The following ZNF536 variants were observed in gnomAD, a reference collection of about 807,000 sequenced individuals.
ZNF536 encodes the protein zinc finger protein 536.
ZNF536 carries 13 observed loss-of-function variants against 84.5 expected under a neutral mutation model. The observed-to-expected ratio is 0.15, with a 90% CI of 0.10 to 0.24. The LOEUF is 0.24. Ranked by LOEUF, ZNF536 falls within the 10% of genes least tolerant of loss-of-function variation. ZNF536 has a pLI of 1.00. For synonymous variants in ZNF536, 811 were observed against 742.5 expected (o/e 1.09, Z -1.50); for missense variants, 1,536 against 1,747.5 (o/e 0.88, Z 2.16).
chr19:30,592,330 G>T, intron 1 of ZNF536, among the ~76,000 whole-genome samples: 1 of 152,118 alleles, frequency 6.6e-6, no homozygotes, highest in East Asian at 1.9e-4. Context: ...GGAATGCAGT[G>T]GGATTTTTTT....
chr19:30,484,152 A>G (rs2054199877), intron 2 of ZNF536, among the ~76,000 whole-genome samples: 1 of 151,256 alleles, frequency 6.6e-6, no homozygotes, highest in South Asian at 2.1e-4. Context: ...CACACTCCAT[A>G]TACTCTGTTG....
intron 2 of ZNF536, among the ~76,000 whole-genome samples, chr19:30,350,868 G>T (rs1368965882): frequency 6.6e-6 from 1 of 152,186 alleles, no homozygotes; most frequent in African/African-American, 2.4e-5. Flanking sequence ...TGTCACAGTT[G>T]TTAGCAGGCT....
intron 2 of ZNF536, among the ~76,000 whole-genome samples, chr19:30,489,793 C>T (rs1260931977): frequency 6.6e-6 from 1 of 152,208 alleles, no homozygotes; most frequent in South Asian, 2.1e-4. Context: ...ATTTTCATTT[C>T]TTTTCATACC....
intron 1 of ZNF536, among the ~76,000 whole-genome samples, chr19:30,426,809 G>A (rs1403292412): frequency 6.6e-6 from 1 of 152,126 alleles, no homozygotes; most frequent in Non-Finnish European, 1.5e-5. Flanking sequence ...GGTATATTTT[G>A]GAAGTCTTTC....
intron 1 of ZNF536, among the ~76,000 whole-genome samples, chr19:30,282,783 A>G (rs2045496426): frequency 6.6e-6 from 1 of 152,168 alleles, no homozygotes; most frequent in Admixed American, 6.5e-5. Flanking sequence ...AAAAAAACAA[A>G]AAAAAATGCA....
intron 2 of ZNF536, among the ~76,000 whole-genome samples, chr19:30,333,802 C>T (rs1294302274): frequency 6.6e-6 from 1 of 152,168 alleles, no homozygotes; most frequent in African/African-American, 2.4e-5. Flanking sequence ...CCTGTGTTGA[C>T]ACATCTATTC....
At chr19:30,617,814 T>C (rs913805481) in intron 1 of ZNF536, among the ~76,000 whole-genome samples, 1 of 152,228 alleles carries the variant, frequency 6.6e-6, no homozygotes, top group African/African-American at 2.4e-5. Flanking sequence ...TTGTTTTGTT[T>C]TGTCTTCTAT....
chr19:30,378,068 C>T (rs541164868), intron 1 of ZNF536, among the ~76,000 whole-genome samples: 30 of 152,286 alleles, frequency 2.0e-4, no homozygotes, highest in African/African-American at 6.7e-4. Context: ...GTCTGAGAGT[C>T]CCTGTGCTGT....
At chr19:30,249,235 G>T (rs2145038010) in intron 1 of ZNF536, among the ~76,000 whole-genome samples, 1 of 152,178 alleles carries the variant, frequency 6.6e-6, no homozygotes, top group South Asian at 2.1e-4. Context: ...GCCTAGCACT[G>T]TGTTTCCAAA....
rs936724240 is a variant in ZNF536, at chr19:30,254,096, C to T, written c.-190+25423C>T. Among the ~76,000 whole-genome samples the T allele has an allele frequency of 3.9e-5, 6 of 152,070 alleles. No homozygotes were observed. In the South Asian group the frequency reaches 8.3e-4, roughly 21 times the overall value. ...GCATGAAGATGAGTTGCACTTTAGC[C>T]GGGCTGAAACTTGTTCCTAACAGAA... On this transcript the variant is annotated intron_variant, in intron 1 of 5. Transcript: ENST00000585628.
At chr19:30,549,591 T>G in intron 4 of ZNF536, 77 bp downstream of exon 4, 1 of 1,403,556 alleles carries the variant, frequency 7.1e-7, no homozygotes, top group Non-Finnish European at 9.3e-7. Flanking sequence ...AAAAATGAGG[T>G]AGACTTATCC....
chr19:30,263,082 G>T (rs929761066), intron 1 of ZNF536, among the ~76,000 whole-genome samples: 3 of 152,180 alleles, frequency 2.0e-5, no homozygotes, highest in East Asian at 1.9e-4. Context: ...GTGAGCAAAG[G>T]CAGTGAGCCC....
chr19:30,661,909 G>T (rs1420649609), intron 1 of ZNF536, among the ~76,000 whole-genome samples: 2 of 150,480 alleles, frequency 1.3e-5, no homozygotes, highest in Non-Finnish European at 3.0e-5. Flanking sequence ...ATGGCCAGTG[G>T]TTTTTTTCTA....
intron 1 of ZNF536, among the ~76,000 whole-genome samples, chr19:30,621,048 A>T (rs2048464725): frequency 6.6e-6 from 1 of 152,158 alleles, no homozygotes; most frequent in Non-Finnish European, 1.5e-5. Context: ...GATAAATAGA[A>T]AATAACTGCT....
intron 1 of ZNF536, among the ~76,000 whole-genome samples, chr19:30,568,026 A>G (rs918069942): frequency 6.6e-6 from 1 of 152,244 alleles, no homozygotes; most frequent in African/African-American, 2.4e-5. Context: ...TAGGGCTATT[A>G]TGATAATTAA....
At chr19:30,496,618 G>T (rs574570562) in intron 2 of ZNF536, among the ~76,000 whole-genome samples, 1 of 152,262 alleles carries the variant, frequency 6.6e-6, no homozygotes, top group South Asian at 2.1e-4. Context: ...ATTACATATG[G>T]GGAAAGGCAG....
intron 1 of ZNF536, among the ~76,000 whole-genome samples, chr19:30,239,263 G>A (rs893320343): frequency 6.6e-6 from 1 of 152,138 alleles, no homozygotes; most frequent in African/African-American, 2.4e-5. Flanking sequence ...GGTGGCCTTG[G>A]GCTTTGAAAT....
At chr19:30,518,158 G>C (rs1057507384) in intron 2 of ZNF536, among the ~76,000 whole-genome samples, 1 of 152,126 alleles carries the variant, frequency 6.6e-6, no homozygotes, top group Non-Finnish European at 1.5e-5. Flanking sequence ...CTCCAAGCAC[G>C]GTCCAGCCAT....
chr19:30,431,119 G>C (rs8111768), intron 1 of ZNF536, among the ~76,000 whole-genome samples: 22,615 of 152,180 alleles, frequency 0.15, 3,304 homozygotes, highest in East Asian at 0.46. Context: ...TCTATGGCAG[G>C]AACACTCCCA....
Sources: gnomAD v4.1 joint callset for allele counts (sites outside exome capture counted in the v4.1 genomes callset) on GRCh38, gnomAD v4.1.1 for gene constraint, MANE v1.5 for transcripts, NCBI Gene and HGNC (gene_info 2026-07-23, HGNC 2026-07-21) for gene names.